LNP1: variants seen among roughly 807,000 people sequenced by gnomAD.
LNP1 encodes leukemia NUP98 fusion partner 1.
In LNP1, 12 loss-of-function variants were observed where a neutral mutation model predicts 14.5. The ratio of observed to expected loss-of-function variants is 0.83; its 90% CI spans 0.53 to 1.34. The LOEUF (loss-of-function observed/expected upper bound fraction) is 1.34. Among genes scored for constraint, LNP1 ranks in the 40% most tolerant of loss-of-function variants. LNP1 has a pLI of 0.00. For synonymous variants in LNP1, 75 were observed against 71.4 expected, an observed-to-expected ratio of 1.05 and a Z score of -0.26; for missense variants, 198 against 210.9, an observed-to-expected ratio of 0.94 and a Z score of 0.38.
chr3:100,420,112 T>C (rs1426528711), intron 1 of LNP1, among the ~76,000 whole-genome samples: 2 of 152,238 alleles, frequency 1.3e-5, no homozygotes, highest in Middle Eastern at 3.2e-3. Flanking sequence ...TAGTTTGTCT[T>C]TACCTAATGG....
intron 1 of LNP1, among the ~76,000 whole-genome samples, chr3:100,414,197 G>A (rs1348254162): frequency 2.6e-5 from 4 of 152,090 alleles, no homozygotes; most frequent in African/African-American, 4.8e-5. Flanking sequence ...AGATTACTCC[G>A]TGTTATTCAG....
chr3:100,427,933 A>T (rs898496790), intron 1 of LNP1, among the ~76,000 whole-genome samples: 7 of 152,324 alleles, frequency 4.6e-5, no homozygotes, highest in African/African-American at 1.7e-4. Context: ...AAAAGTTGTG[A>T]TGCCATGCTC....
intron 1 of LNP1, among the ~76,000 whole-genome samples, chr3:100,426,013 A>G (rs959648956): frequency 6.6e-6 from 1 of 152,200 alleles, no homozygotes; most frequent in Non-Finnish European, 1.5e-5. Context: ...GCAGTGAGCT[A>G]TCCCATAAGG....
At chr3:100,426,627 CTTTT>C (rs2148902740) in intron 1 of LNP1, among the ~76,000 whole-genome samples, 1 of 152,294 alleles carries the variant, frequency 6.6e-6, no homozygotes, top group South Asian at 2.1e-4. Context: ...CTAAAAACTG[CTTTT>C]TAAAATTCAA....
At chr3:100,418,859 G>A (rs1707116686) in intron 1 of LNP1, among the ~76,000 whole-genome samples, 1 of 152,152 alleles carries the variant, frequency 6.6e-6, no homozygotes, top group Non-Finnish European at 1.5e-5. Context: ...CAGGCTTTTT[G>A]TACTCACTCA....
intron 2 of LNP1, among the ~76,000 whole-genome samples, chr3:100,430,456 C>A (rs570310061): frequency 6.6e-6 from 1 of 152,206 alleles, no homozygotes; most frequent in Admixed American, 6.5e-5. Flanking sequence ...ATCTGAGGAA[C>A]AAGATGCTAG....
intron 1 of LNP1, among the ~76,000 whole-genome samples, chr3:100,417,311 T>G (rs1390380989): frequency 1.3e-5 from 2 of 151,938 alleles, no homozygotes; most frequent in Non-Finnish European, 2.9e-5. Flanking sequence ...GTGTTGGTTG[T>G]ATGACGATAT....
rs138309992 is a variant in LNP1 at position 100,424,185 on chromosome 3, A to G, written c.-33-5512A>G. Among the ~76,000 whole-genome samples, 298 of 152,298 alleles carry G rather than the reference A, an allele frequency of 2.0e-3. 1 individual carries two copies. Among genetic ancestry groups the G allele is most frequent in the African/African-American group, 6.9e-3 (286 of 41,564 alleles). On this transcript the variant is annotated intron_variant, in intron 1 of 3. Transcript: ENST00000383693. ...CTTTTTCTTTCTGGGGTATATTTAC[A>G]TCTTGTTGTTTTGGGAGAATTTTTG...
chr3:100,416,671 TAAAA>T (rs1270035592), intron 1 of LNP1, among the ~76,000 whole-genome samples: 2 of 150,110 alleles, frequency 1.3e-5, no homozygotes, highest in African/African-American at 4.9e-5. Flanking sequence ...GTCCTTTTTT[TAAAA>T]AAAATATTTT....
intron 2 of LNP1, among the ~76,000 whole-genome samples, chr3:100,445,089 A>T (rs768684989): frequency 3.9e-5 from 6 of 152,168 alleles, no homozygotes; most frequent in Non-Finnish European, 8.8e-5. Flanking sequence ...TCTGACCAAC[A>T]TGGTGAAACC....
chr3:100,409,557 TACACACACACACACACACACAC>T (rs35651277), intron 1 of LNP1, among the ~76,000 whole-genome samples: 1 of 126,354 alleles, frequency 7.9e-6, no homozygotes, highest in Non-Finnish European at 1.6e-5. Flanking sequence ...TATATATACA[TACACACACACACACACACACAC>T]ACACACACAC....
intron 2 of LNP1, among the ~76,000 whole-genome samples, chr3:100,435,706 T>G (rs1019623852): frequency 6.6e-6 from 1 of 152,104 alleles, no homozygotes; most frequent in Non-Finnish European, 1.5e-5. Context: ...TTGGCTAAAC[T>G]TCCACATGCA....
At chr3:100,451,248 T>C (rs1397136345) in intron 2 of LNP1, among the ~76,000 whole-genome samples, 1 of 152,112 alleles carries the variant, frequency 6.6e-6, no homozygotes, top group African/African-American at 2.4e-5. Context: ...CAGAGCACAG[T>C]TTGGTTTTAT....
chr3:100,430,064 C>T (rs1707228461), intron 2 of LNP1, among the ~76,000 whole-genome samples, 179 bp downstream of exon 2: 1 of 152,086 alleles, frequency 6.6e-6, no homozygotes, highest in East Asian at 1.9e-4. Context: ...TTCAAGGGAC[C>T]TTATTGTCAT....
chr3:100,443,843 A>G (rs1707365323), intron 2 of LNP1, among the ~76,000 whole-genome samples: 1 of 152,228 alleles, frequency 6.6e-6, no homozygotes, highest in Non-Finnish European at 1.5e-5. Flanking sequence ...ATACTCCCAA[A>G]CAGTTTCCAA....
intron 1 of LNP1, among the ~76,000 whole-genome samples, chr3:100,406,657 C>T (rs6788854): frequency 0.012 from 1,807 of 152,220 alleles, 36 homozygotes; most frequent in African/African-American, 0.042. Context: ...GCCTCAGCCT[C>T]CCAAGTAGCT....
intron 2 of LNP1, among the ~76,000 whole-genome samples, chr3:100,446,975 A>C (rs1291172585): frequency 6.6e-6 from 1 of 151,748 alleles, no homozygotes; most frequent in African/African-American, 2.4e-5. Flanking sequence ...GGATGTGGAG[A>C]TAGGAATGCT....
intron 1 of LNP1, among the ~76,000 whole-genome samples, chr3:100,426,838 G>A (rs987609290): frequency 2.3e-4 from 35 of 152,178 alleles, no homozygotes; most frequent in African/African-American, 8.4e-4. Context: ...TTCTTATAGA[G>A]TAGCTTTCCC....
chr3:100,441,190 G>A (rs1200670020), intron 2 of LNP1, among the ~76,000 whole-genome samples: 1 of 152,180 alleles, frequency 6.6e-6, no homozygotes, highest in African/African-American at 2.4e-5. Flanking sequence ...AGGAAGGTGC[G>A]GTGGTAGCAA....
Sources: gnomAD v4.1 joint callset for allele counts (sites outside exome capture counted in the v4.1 genomes callset) on GRCh38, gnomAD v4.1.1 for gene constraint, MANE v1.5 for transcripts, NCBI Gene and HGNC (gene_info 2026-07-23, HGNC 2026-07-21) for gene names.